PDGFC: variants seen among roughly 807,000 people sequenced by gnomAD.
The protein encoded by PDGFC is platelet-derived growth factor C.
PDGFC carries 12 observed loss-of-function variants against 35.5 expected under a neutral mutation model. The ratio of observed to expected loss-of-function variants is 0.34; its 90% CI spans 0.22 to 0.55. PDGFC has a LOEUF of 0.55. Ranked by LOEUF, PDGFC falls within the 20% of genes least tolerant of loss-of-function variation. The pLI, the probability that PDGFC is intolerant of heterozygous loss-of-function variation, is 0.91. For synonymous variants in PDGFC, 159 were observed against 148.8 expected (o/e 1.07, Z -0.50); for missense variants, 322 against 412.4 (o/e 0.78, Z 1.90).
chr4:156,871,712 G>A (rs1428118539), intron 1 of PDGFC, among the ~76,000 whole-genome samples: 1 of 151,902 alleles, frequency 6.6e-6, no homozygotes, highest in Non-Finnish European at 1.5e-5. Context: ...CTTTATTGTT[G>A]AGCTTAATTA....
intron 3 of PDGFC, among the ~76,000 whole-genome samples, chr4:156,796,718 A>G (rs1731452845): frequency 6.6e-6 from 1 of 152,064 alleles, no homozygotes; most frequent in African/African-American, 2.4e-5. Flanking sequence ...TTTAGCATAG[A>G]GTTACTGAAA....
At chr4:156,917,546 A>G (rs960131515) in intron 1 of PDGFC, among the ~76,000 whole-genome samples, 2 of 152,216 alleles carry the variant, frequency 1.3e-5, no homozygotes, top group African/African-American at 4.8e-5. Flanking sequence ...CCCACGTGGA[A>G]CTTATCCTTG....
At chr4:156,779,041 A>G (rs1730909752) in intron 3 of PDGFC, 1 of 427,056 alleles carries the variant, frequency 2.3e-6, no homozygotes, top group South Asian at 1.7e-5. Flanking sequence ...GGTGTCTCCA[A>G]TCTCATTTAT....
intron 3 of PDGFC, among the ~76,000 whole-genome samples, chr4:156,776,752 G>A (rs770080998): frequency 6.6e-6 from 1 of 152,154 alleles, no homozygotes; most frequent in Non-Finnish European, 1.5e-5. Context: ...ATGATAATGA[G>A]AGAACTACGA....
At position 156,772,814 on chromosome 4, in the gene PDGFC, G is replaced by C; in HGVS notation, c.575C>G (p.Ala192Gly). Residue 192 changes from alanine to glycine, a missense_variant, in exon 4 of 6, where the codon GCC becomes GGC. This residue lies in a region of PDGFC where 202 missense variants were observed against 295.9 expected (regional missense o/e 0.68). Coordinates refer to ENST00000502773, the MANE Select transcript of PDGFC (RefSeq NM_016205.3). ...AATAAGGTCTTCCAAGGTACTAAAGGCAGTTATAGCATTATTAAGCAGGTC... is the reference window on the plus strand; with the variant it reads ...AATAAGGTCTTCCAAGGTACTAAAGCCAGTTATAGCATTATTAAGCAGGTC... The part of the protein sequence containing the change: ...PLDLLNNAIT[A>G]FSTLEDLIRY... 6.2e-7 allele frequency: 1 copy of C among 1,612,782 alleles called. No homozygotes were observed. Among genetic ancestry groups the C allele is most frequent in the South Asian group, 1.1e-5 (1 of 91,062 alleles).
chr4:156,928,780 T>C (rs991123801), intron 1 of PDGFC, among the ~76,000 whole-genome samples: 2 of 152,234 alleles, frequency 1.3e-5, no homozygotes, highest in Non-Finnish European at 2.9e-5. Flanking sequence ...AATTTAGCCA[T>C]AATAGACTTT....
intron 1 of PDGFC, among the ~76,000 whole-genome samples, chr4:156,899,706 T>G (rs1383853367): frequency 1.3e-5 from 2 of 152,096 alleles, no homozygotes; most frequent in Non-Finnish European, 2.9e-5. Flanking sequence ...TCCCAGCTAC[T>G]AGGGAGGCTG....
At chr4:156,869,151 C>G (rs1197489029) in intron 1 of PDGFC, among the ~76,000 whole-genome samples, 1 of 151,880 alleles carries the variant, frequency 6.6e-6, no homozygotes, top group South Asian at 2.1e-4. Context: ...TAAAAATGAC[C>G]GGCCAGGTGC....
intron 2 of PDGFC, among the ~76,000 whole-genome samples, chr4:156,832,793 T>G (rs550406210): frequency 6.6e-6 from 1 of 152,334 alleles, no homozygotes; most frequent in Middle Eastern, 3.4e-3. Context: ...ACTTTTCCAA[T>G]ATGTCGGTCT....
At chr4:156,892,113 A>G (rs1730529004) in intron 1 of PDGFC, among the ~76,000 whole-genome samples, 1 of 152,192 alleles carries the variant, frequency 6.6e-6, no homozygotes, top group Non-Finnish European at 1.5e-5. Context: ...TCTACCAGCT[A>G]TATAATCCGA....
chr4:156,774,689 T>G (rs1730779884), intron 3 of PDGFC, among the ~76,000 whole-genome samples: 2 of 148,256 alleles, frequency 1.3e-5, no homozygotes, highest in Non-Finnish European at 3.0e-5. Flanking sequence ...GTTTATTGAG[T>G]AACTACAGTG....
intron 1 of PDGFC, among the ~76,000 whole-genome samples, chr4:156,924,778 G>C (rs575911291): frequency 3.3e-5 from 5 of 152,112 alleles, no homozygotes; most frequent in Non-Finnish European, 5.9e-5. Flanking sequence ...GGAAGCTTTG[G>C]GATAGTTATA....
At chr4:156,854,923 A>T (rs993065536) in intron 1 of PDGFC, among the ~76,000 whole-genome samples, 1 of 152,104 alleles carries the variant, frequency 6.6e-6, no homozygotes, top group Non-Finnish European at 1.5e-5. Context: ...TGACATGAAA[A>T]ATGAAAATAT....
chr4:156,923,357 T>TA (rs1172099667), intron 1 of PDGFC, among the ~76,000 whole-genome samples: 2 of 152,184 alleles, frequency 1.3e-5, no homozygotes, highest in Non-Finnish European at 2.9e-5. Flanking sequence ...CTTTGAGCCT[T>TA]AAGAGAAATA....
intron 2 of PDGFC, among the ~76,000 whole-genome samples, chr4:156,846,626 G>A (rs1273648048): frequency 6.6e-6 from 1 of 151,648 alleles, no homozygotes; most frequent in African/African-American, 2.4e-5. Context: ...GGGGATGATG[G>A]GAAACACTGG....
At chr4:156,959,132 T>C (rs1732279336) in intron 1 of PDGFC, among the ~76,000 whole-genome samples, 1 of 152,066 alleles carries the variant, frequency 6.6e-6, no homozygotes, top group East Asian at 1.9e-4. Context: ...TCAATCTTCA[T>C]ACCTGAGTTT....
chr4:156,778,574 A>G (rs936335199), intron 3 of PDGFC, among the ~76,000 whole-genome samples: 1 of 152,148 alleles, frequency 6.6e-6, no homozygotes, highest in African/African-American at 2.4e-5. Context: ...GCACTTGTTA[A>G]CATCTTTCCC....
chr4:156,921,504 G>C (rs1457724119), intron 1 of PDGFC, among the ~76,000 whole-genome samples: 1 of 151,892 alleles, frequency 6.6e-6, no homozygotes, highest in Non-Finnish European at 1.5e-5. Context: ...AGAAAGGAAA[G>C]GAAACAAAAG....
chr4:156,908,292 A>T (rs1314716199), intron 1 of PDGFC, among the ~76,000 whole-genome samples: 1 of 152,174 alleles, frequency 6.6e-6, no homozygotes, highest in Non-Finnish European at 1.5e-5. Flanking sequence ...GCATTATCAC[A>T]TTATTCTAAT....
Sources: gnomAD v4.1 joint callset for allele counts (sites outside exome capture counted in the v4.1 genomes callset) on GRCh38, gnomAD v4.1.1 for gene constraint, gnomAD v4.1.1 regional missense constraint, MANE v1.5 for transcripts, NCBI Gene and HGNC (gene_info 2026-07-23, HGNC 2026-07-21) for gene names.